PGR: variants seen among roughly 807,000 people sequenced by gnomAD.
The protein encoded by PGR is progesterone receptor, also known as nuclear receptor subfamily 3 group C member 3.
A neutral mutation model predicts 76.1 loss-of-function variants in PGR; 25 were observed. The observed-to-expected ratio is 0.33, with a 90% CI of 0.24 to 0.46. The LOEUF (loss-of-function observed/expected upper bound fraction) is 0.46. PGR is among the 20% of genes least tolerant of loss of function. The pLI is 1.00. For missense variants in PGR, 1,172 were observed against 1,225.3 expected (o/e 0.96, Z 0.65); for synonymous variants, 579 against 535.0 (o/e 1.08, Z -1.14).
At chr11:101,116,739 C>CAA (rs11300466) in intron 2 of PGR, among the ~76,000 whole-genome samples, 381 of 68,116 alleles carry the variant, frequency 5.6e-3, no homozygotes, top group Middle Eastern at 0.018. Context: ...GATTCCACCT[C>CAA]AAAAAAAAAA....
At chr11:101,089,324 T>C (rs1397299540) in intron 3 of PGR, among the ~76,000 whole-genome samples, 1 of 152,218 alleles carries the variant, frequency 6.6e-6, no homozygotes. Flanking sequence ...GTTAAGAATG[T>C]ATATTAATGT....
chr11:101,091,611 A>T (rs1197415436), intron 3 of PGR, 149 bp downstream of exon 3: 2 of 664,110 alleles, frequency 3.0e-6, no homozygotes, highest in Admixed American at 2.2e-5. Context: ...TGGTTGCTTC[A>T]TTCAGACACT....
intron 6 of PGR, among the ~76,000 whole-genome samples, chr11:101,045,117 CT>C (rs1859824599): frequency 1.3e-5 from 2 of 152,036 alleles, no homozygotes; most frequent in Non-Finnish European, 2.9e-5. Context: ...TCCATTTCCC[CT>C]AGAAAAGAAG....
rs892904311 is a variant in PGR, at chr11:101,037,961, G to A, written c.*1155C>T. 4.7e-6 allele frequency: 1 copy of A among 211,780 alleles called. No homozygotes were observed. The highest frequency in any genetic ancestry group is 2.3e-5 in the African/African-American group (1 of 44,108). The allele number at this position is 211,780 out of a possible 1,614,324, so 13.1% of individuals were successfully genotyped here. Reference sequence around the variant, plus strand: ...ACAAAATGGCAGGTAAACTCTAGGAGAAGGCAAATTACTGCTTGGAAGACT... The same window carrying A: ...ACAAAATGGCAGGTAAACTCTAGGAAAAGGCAAATTACTGCTTGGAAGACT... On this transcript the variant is annotated 3_prime_UTR_variant, in exon 8 of 8. Coordinates refer to ENST00000325455, the MANE Select transcript of PGR (RefSeq NM_000926.4).
chr11:101,088,044 A>C (rs1267958632), intron 3 of PGR, among the ~76,000 whole-genome samples: 3 of 151,958 alleles, frequency 2.0e-5, no homozygotes, highest in Non-Finnish European at 4.4e-5. Flanking sequence ...AAAATAAATA[A>C]AAAGTTTGCC....
In PGR at chr11:101,034,356, T is replaced by C. The variant is rs1166583164; in HGVS notation, c.*4760A>G. The C allele has an allele frequency of 9.4e-6, 2 of 212,824 alleles. No homozygotes were observed. Among genetic ancestry groups the C allele is most frequent in the East Asian group, 1.4e-4 (2 of 14,272 alleles). 13.2% of individuals were successfully genotyped at this position (212,824 alleles called of 1,614,324 possible). ...AGCTTGGGCGCAGCCCCTGTGCCTG[T>C]GACCTGAGCTCTGCCTTGGAATGAG... On this transcript the variant is annotated 3_prime_UTR_variant, in exon 8 of 8. Transcript: ENST00000325455.
chr11:101,113,995 A>G (rs1213989754), intron 2 of PGR, among the ~76,000 whole-genome samples: 1 of 152,158 alleles, frequency 6.6e-6, no homozygotes, highest in Non-Finnish European at 1.5e-5. Flanking sequence ...TGCACAAAGA[A>G]ACACTCACTG....
At chr11:101,112,546 G>A (rs1412493469) in intron 2 of PGR, among the ~76,000 whole-genome samples, 4 of 152,064 alleles carry the variant, frequency 2.6e-5, no homozygotes, top group Admixed American at 6.6e-5. Flanking sequence ...GTTTTTTTCC[G>A]AAAATTAGGA....
intron 3 of PGR, among the ~76,000 whole-genome samples, chr11:101,065,249 G>C (rs1018038894): frequency 1.1e-4 from 17 of 151,012 alleles, no homozygotes; most frequent in African/African-American, 3.9e-4. Context: ...GTGGACTCCT[G>C]ATAGATATTT....
chr11:101,065,972 T>C (rs1394385054), intron 3 of PGR, among the ~76,000 whole-genome samples: 1 of 152,202 alleles, frequency 6.6e-6, no homozygotes, highest in Non-Finnish European at 1.5e-5. Flanking sequence ...GCTACCCCTG[T>C]ACTCTGCCTT....
chr11:101,085,193 A>T (rs1861450851), intron 3 of PGR, among the ~76,000 whole-genome samples: 1 of 152,182 alleles, frequency 6.6e-6, no homozygotes, highest in Non-Finnish European at 1.5e-5. Flanking sequence ...TTGGCCATAA[A>T]CCAAGACTCA....
intron 3 of PGR, among the ~76,000 whole-genome samples, chr11:101,090,054 TG>T (rs1861627275): frequency 6.6e-6 from 1 of 152,072 alleles, no homozygotes; most frequent in African/African-American, 2.4e-5. Context: ...AAAAATTAGC[TG>T]GGCGTAATGG....
chr11:101,062,966 G>GA, intron 3 of PGR: 1 of 445,982 alleles, frequency 2.2e-6, no homozygotes. Context: ...CTCAGACTTG[G>GA]ATTAAATAAT....
intron 3 of PGR, among the ~76,000 whole-genome samples, chr11:101,068,838 C>T (rs969435397): frequency 2.0e-5 from 3 of 152,126 alleles, no homozygotes; most frequent in African/African-American, 7.2e-5. Context: ...AAAGTGGACC[C>T]CTTCCCTACA....
intron 2 of PGR, 64 bp from the exon 3 acceptor site, chr11:101,091,940 G>T (rs1861688165): frequency 1.2e-6 from 1 of 845,430 alleles, no homozygotes. Flanking sequence ...ATTCTATGCA[G>T]TGACAACTGA....
At chr11:101,115,409 G>C (rs915886552) in intron 2 of PGR, among the ~76,000 whole-genome samples, 1 of 152,096 alleles carries the variant, frequency 6.6e-6, no homozygotes, top group Non-Finnish European at 1.5e-5. Flanking sequence ...TATGAAGTTA[G>C]GTAATATGGC....
chr11:101,076,207 C>T (rs1217291571), intron 3 of PGR, among the ~76,000 whole-genome samples: 1 of 151,410 alleles, frequency 6.6e-6, no homozygotes, highest in East Asian at 2.0e-4. Context: ...TCAGAGCAAA[C>T]TAACACAAGA....
intron 3 of PGR, among the ~76,000 whole-genome samples, chr11:101,088,621 C>A (rs544974763): frequency 6.6e-6 from 1 of 152,056 alleles, no homozygotes; most frequent in East Asian, 1.9e-4. Context: ...CATGAGCCAC[C>A]GCTCCCGGCC....
chr11:101,053,108 T>C (rs182923570), intron 4 of PGR, among the ~76,000 whole-genome samples: 1 of 152,300 alleles, frequency 6.6e-6, no homozygotes, highest in Admixed American at 6.5e-5. Context: ...GACAATGTTT[T>C]GCTGAGAACA....
Sources: allele counts gnomAD v4.1 joint callset (sites outside exome capture counted in the v4.1 genomes callset), GRCh38; gene constraint gnomAD v4.1.1; transcripts MANE v1.5; gene names NCBI Gene and HGNC (gene_info 2026-07-23, HGNC 2026-07-21).